The following DPP6 variants were observed in gnomAD, a reference collection of about 807,000 sequenced individuals.
The protein encoded by DPP6 is dipeptidyl peptidase like 6, also known as A-type potassium channel modulatory protein DPP6.
In DPP6, 69 loss-of-function variants were observed where a neutral mutation model predicts 122.6. The ratio of observed to expected loss-of-function variants is 0.56; its 90% confidence interval spans 0.46 to 0.69. The LOEUF (loss-of-function observed/expected upper bound fraction) is 0.69. Among genes scored for constraint, DPP6 ranks in the 30% least tolerant of loss-of-function variants. The pLI, the probability that DPP6 is intolerant of heterozygous loss-of-function variation, is 0.00. For missense variants in DPP6, 928 were observed against 1,116.9 expected (o/e 0.83, Z 2.41); for synonymous variants, 418 against 433.1 (o/e 0.97, Z 0.43).
chr7:153,929,179 C>T (rs1307603044), intron 1 of DPP6, among the ~76,000 whole-genome samples: 2 of 152,014 alleles, frequency 1.3e-5, no homozygotes, highest in Admixed American at 1.3e-4. Flanking sequence ...GCAGGGACAC[C>T]CTTCAGGAGG....
intron 6 of DPP6, among the ~76,000 whole-genome samples, chr7:154,652,491 T>C (rs562395015): frequency 6.6e-6 from 1 of 151,818 alleles, no homozygotes; most frequent in East Asian, 1.9e-4. Context: ...CCTTGGATAA[T>C]AGATGCAGCT....
chr7:153,756,002 A>G, the DPP6 span, among the ~76,000 whole-genome samples: 2 of 152,078 alleles, frequency 1.3e-5, no homozygotes, highest in African/African-American at 4.8e-5. Flanking sequence ...TTTCTCACAC[A>G]CTTGGCTTCA....
chr7:154,219,731 G>A (rs1800196613), intron 1 of DPP6, among the ~76,000 whole-genome samples: 1 of 152,064 alleles, frequency 6.6e-6, no homozygotes. Flanking sequence ...GATTACAGGT[G>A]CCTGCCACCA....
intron 8 of DPP6, among the ~76,000 whole-genome samples, chr7:154,761,025 G>C (rs1226478877): frequency 2.0e-5 from 3 of 152,074 alleles, no homozygotes; most frequent in Admixed American, 6.5e-5. Context: ...AGTAGAGACA[G>C]GGTTTCACCA....
intron 1 of DPP6, among the ~76,000 whole-genome samples, chr7:153,944,961 G>A (rs1257942048): frequency 1.3e-5 from 2 of 151,998 alleles, no homozygotes; most frequent in African/African-American, 2.4e-5. Context: ...TGCCTCAAGC[G>A]CTTTGCGTTC....
intron 16 of DPP6, among the ~76,000 whole-genome samples, chr7:154,811,647 G>A (rs559132080): frequency 3.0e-4 from 45 of 152,286 alleles, no homozygotes; most frequent in African/African-American, 1.1e-3. Flanking sequence ...GTGAATACAA[G>A]CAACCTGATT....
At chr7:154,647,531 G>C (rs985098974) in intron 6 of DPP6, among the ~76,000 whole-genome samples, 1 of 152,072 alleles carries the variant, frequency 6.6e-6, no homozygotes, top group East Asian at 1.9e-4. Flanking sequence ...CGGCTCTTCC[G>C]GGGTCTGTCC....
chr7:154,608,304 A>AT (rs1472875987), intron 5 of DPP6, among the ~76,000 whole-genome samples: 11 of 104,830 alleles, frequency 1.0e-4, no homozygotes, highest in Admixed American at 2.3e-4. Flanking sequence ...CCATGCTTGC[A>AT]TTTTTTAGGA....
rs1269242524 is a variant in DPP6, at chr7:154,062,250, C to T, written c.243+9187C>T. ...CAAGTAGAAAGTTCAAATCTTCTGA[C>T]GGCAGGTACCTTACGTGGGATTACT... On this transcript the variant is annotated intron_variant, in intron 1 of 25. Transcript: ENST00000377770. 7.6e-5 allele frequency among the ~76,000 whole-genome samples: 7 copies of T among 91,518 alleles called. 2 individuals are homozygous for T. The highest frequency in any genetic ancestry group is 1.0e-3 in the South Asian group (2 of 1,970). The allele number at this position is 91,518 out of a possible 152,430, so 60.0% of individuals were successfully genotyped here.
At position 154,313,708 on chromosome 7, in the gene DPP6, TATATATAC is replaced by T. The variant is rs1158901354; in HGVS notation, c.244-132504_244-132497del. ...TGGTATATATATATATATATATATA[TATATATAC>T]ACACACACGCACGCACACACACACA... is the stretch of plus-strand genomic sequence containing the variant. On this transcript the variant is annotated intron_variant, in intron 1 of 25. Coordinates refer to ENST00000377770, the MANE Select transcript of DPP6 (RefSeq NM_130797.4). Among the ~76,000 whole-genome samples the T allele has an allele frequency of 3.7e-3, 62 of 16,904 alleles. 14 individuals are homozygous for T. Among genetic ancestry groups the T allele is most frequent in the African/African-American group, 0.012 (58 of 4,758 alleles). 11.1% of individuals were successfully genotyped at this position (16,904 alleles called of 152,430 possible).
chr7:154,015,013 A>G (rs1448660265), intron 1 of DPP6, among the ~76,000 whole-genome samples: 1 of 152,154 alleles, frequency 6.6e-6, no homozygotes, highest in Non-Finnish European at 1.5e-5. Flanking sequence ...CATTAAATGA[A>G]TGCTGGAGAA....
intron 1 of DPP6, among the ~76,000 whole-genome samples, chr7:154,222,776 C>T (rs1343815062): frequency 1.3e-5 from 2 of 149,352 alleles, no homozygotes; most frequent in African/African-American, 2.5e-5. Flanking sequence ...GCCTGATGAG[C>T]CCCTCCTCAT....
chr7:154,105,943 C>A (rs1362241014), intron 1 of DPP6, among the ~76,000 whole-genome samples: 14 of 149,420 alleles, frequency 9.4e-5, no homozygotes, highest in Non-Finnish European at 1.6e-4. Context: ...ATGGCCCCGA[C>A]TCGCTTTCCC....
chr7:154,333,136 AT>A (rs1263860625), intron 1 of DPP6, among the ~76,000 whole-genome samples: 1 of 151,934 alleles, frequency 6.6e-6, no homozygotes, highest in African/African-American at 2.4e-5. Flanking sequence ...CTTCAAGCGT[AT>A]TTGTTTTTCC....
At chr7:154,138,571 G>A (rs1336675276) in intron 1 of DPP6, among the ~76,000 whole-genome samples, 2 of 151,964 alleles carry the variant, frequency 1.3e-5, no homozygotes, top group East Asian at 3.9e-4. Context: ...GGAACTCTTT[G>A]GTTGTGAGAC....
intron 1 of DPP6, among the ~76,000 whole-genome samples, chr7:154,428,632 A>T (rs1023301752): frequency 5.3e-5 from 8 of 152,226 alleles, no homozygotes; most frequent in Admixed American, 5.2e-4. Flanking sequence ...GATAAGGAAG[A>T]TGTGGTATAT....
intron 1 of DPP6, among the ~76,000 whole-genome samples, chr7:154,307,363 A>G (rs1215751592): frequency 1.3e-5 from 2 of 152,234 alleles, no homozygotes; most frequent in African/African-American, 2.4e-5. Context: ...AGAGGCAGCC[A>G]TGGCTACAGC....
Position 154,624,476 on chromosome 7 carries a change from C to CAACA in DPP6, c.628-13326_628-13323dup. ...GGGCAACAAGAGTGAAACTCTGTCT[C>CAACA]AACAAACAAACAAACAAACAAAAAA... On this transcript the variant is annotated intron_variant, in intron 5 of 25. Coordinates refer to ENST00000377770, the MANE Select transcript of DPP6 (RefSeq NM_130797.4). This position sits in a 1 kb window ranked among gnomAD's most constrained non-coding sequence, Gnocchi z 4.7. Among the ~76,000 whole-genome samples, 54 of 152,082 alleles carry CAACA rather than the reference C, an allele frequency of 3.6e-4. No homozygotes were observed. The highest frequency in any genetic ancestry group is 5.7e-4 in the Non-Finnish European group (39 of 67,988).
intron 1 of DPP6, among the ~76,000 whole-genome samples, chr7:154,036,232 T>C (rs1563120865): frequency 6.7e-6 from 1 of 149,570 alleles, no homozygotes. Flanking sequence ...TGCCTCAGCC[T>C]TGCCAGTAGC....
Sources: allele counts gnomAD v4.1 joint callset (sites outside exome capture counted in the v4.1 genomes callset), GRCh38; gene constraint gnomAD v4.1.1; non-coding constraint Gnocchi (gnomAD v3.1); transcripts MANE v1.5; gene names NCBI Gene and HGNC (gene_info 2026-07-23, HGNC 2026-07-21).